The following NLGN1 variants were observed in gnomAD, a reference collection of about 807,000 sequenced individuals.
NLGN1 encodes the protein neuroligin-1.
A neutral mutation model predicts 65.5 loss-of-function variants in NLGN1; 12 were observed. The ratio of observed to expected loss-of-function variants is 0.18; its 90% CI spans 0.12 to 0.30. The LOEUF (loss-of-function observed/expected upper bound fraction) is 0.30, where lower values mean the gene tolerates loss of function less well. Among genes scored for constraint, NLGN1 ranks in the 10% least tolerant of loss-of-function variants. NLGN1 has a pLI of 1.00. For synonymous variants in NLGN1, 350 were observed against 359.5 expected, an observed-to-expected ratio of 0.97 and a Z score of 0.30; for missense variants, 750 against 1,007.1, an observed-to-expected ratio of 0.74 and a Z score of 3.46.
At chr3:173,708,039 A>G (rs1337848073) in intron 3 of NLGN1, among the ~76,000 whole-genome samples, 1 of 152,218 alleles carries the variant, frequency 6.6e-6, no homozygotes, top group East Asian at 1.9e-4. Flanking sequence ...AGCTCCTTAC[A>G]GTCAGATTGA....
At chr3:173,852,139 G>A (rs1727052907) in intron 4 of NLGN1, among the ~76,000 whole-genome samples, 1 of 151,300 alleles carries the variant, frequency 6.6e-6, no homozygotes, top group Admixed American at 6.6e-5. Context: ...GGCGGATCAC[G>A]AGGTCAGGAG....
Position 173,657,919 on chromosome 3 carries a change from T to G in NLGN1, c.493+52828T>G, listed in dbSNP as rs533310965. The stretch of plus-strand genomic sequence containing the variant: ...ATAAAATCTGATGAATGTGACAAGT[T>G]TATGCCTGATTGTACTGGTAGAGTA... On this transcript the variant is annotated intron_variant, in intron 3 of 6. Transcript: ENST00000457714. 6.8e-4 allele frequency among the ~76,000 whole-genome samples: 104 copies of G among 152,044 alleles called. 2 individuals are homozygous for G. The South Asian group carries it at 0.02, about 30-fold the overall frequency.
intron 4 of NLGN1, among the ~76,000 whole-genome samples, chr3:173,817,301 A>G (rs939529239): frequency 6.6e-6 from 1 of 152,224 alleles, no homozygotes; most frequent in African/African-American, 2.4e-5. Flanking sequence ...ACAATCAGAA[A>G]CAGTTATAAG....
chr3:173,835,573 A>G (rs62292075), intron 4 of NLGN1, among the ~76,000 whole-genome samples: 6 of 133,460 alleles, frequency 4.5e-5, no homozygotes, highest in African/African-American at 1.9e-4. Context: ...TAATATGTTC[A>G]AACACATACA....
At chr3:174,086,579 A>G (rs1198307635) in intron 4 of NLGN1, among the ~76,000 whole-genome samples, 1 of 151,650 alleles carries the variant, frequency 6.6e-6, no homozygotes, top group African/African-American at 2.4e-5. Flanking sequence ...ATAAGCCACT[A>G]TATAAAACAT....
chr3:173,602,488 C>G (rs1750705680), intron 2 of NLGN1, among the ~76,000 whole-genome samples: 1 of 151,938 alleles, frequency 6.6e-6, no homozygotes, highest in Non-Finnish European at 1.5e-5. Context: ...TGCAGAATTC[C>G]AATCCTGTGC....
intron 2 of NLGN1, among the ~76,000 whole-genome samples, chr3:173,459,795 G>A (rs1028791448): frequency 2.6e-5 from 4 of 151,986 alleles, no homozygotes; most frequent in Non-Finnish European, 5.9e-5. Context: ...CAAGTCCTCA[G>A]TAATTTGCAG....
At chr3:173,442,162 G>A (rs554981081) in intron 2 of NLGN1, among the ~76,000 whole-genome samples, 7 of 152,140 alleles carry the variant, frequency 4.6e-5, no homozygotes, top group South Asian at 4.1e-4. Flanking sequence ...AATCTGTTAC[G>A]CAGTTTTCAA....
intron 2 of NLGN1, among the ~76,000 whole-genome samples, chr3:173,442,853 T>C (rs995936724): frequency 6.6e-6 from 1 of 152,170 alleles, no homozygotes; most frequent in Non-Finnish European, 1.5e-5. Context: ...TGATTAATTA[T>C]AGTATGACTT....
chr3:173,798,066 GC>G (rs1442347623), intron 3 of NLGN1, among the ~76,000 whole-genome samples: 4 of 152,068 alleles, frequency 2.6e-5, no homozygotes, highest in Admixed American at 2.6e-4. Context: ...CTCTTATAGA[GC>G]CCCGAACAAA....
rs807157 is a variant in NLGN1 at position 173,489,989 on chromosome 3, G to T, written c.-321+54911G>T. ...GTTTGTAGATTGTGGATATTAGCCC[G>T]TTGTCAGATGAGTAGGTTGCAAACA... On this transcript the variant is annotated intron_variant, in intron 2 of 6. Transcript: ENST00000457714. 2.6e-3 allele frequency among the ~76,000 whole-genome samples: 402 copies of T among 152,136 alleles called. 1 individual carries two copies. Among genetic ancestry groups the T allele is most frequent in the Non-Finnish European group, 4.5e-3 (305 of 68,000 alleles).
At chr3:173,448,636 G>T (rs1384603144) in intron 2 of NLGN1, among the ~76,000 whole-genome samples, 1 of 152,178 alleles carries the variant, frequency 6.6e-6, no homozygotes, top group Non-Finnish European at 1.5e-5. Flanking sequence ...CAGAAGGAAT[G>T]GTACCAGCTC....
intron 3 of NLGN1, among the ~76,000 whole-genome samples, chr3:173,701,107 T>A (rs866439525): frequency 6.6e-6 from 1 of 152,058 alleles, no homozygotes; most frequent in Non-Finnish European, 1.5e-5. Context: ...CCAGCCTGGG[T>A]GACACAGCGA....
chr3:174,164,346 T>A (rs1727126544), intron 4 of NLGN1, among the ~76,000 whole-genome samples: 1 of 152,036 alleles, frequency 6.6e-6, no homozygotes, highest in African/African-American at 2.4e-5. Flanking sequence ...GTCAGATGCA[T>A]AGTTTACAAA....
intron 2 of NLGN1, among the ~76,000 whole-genome samples, chr3:173,458,349 G>A (rs758070584): frequency 3.9e-5 from 6 of 152,052 alleles, no homozygotes; most frequent in Non-Finnish European, 8.8e-5. Context: ...GGGATCACTG[G>A]TGTCCTGTGG....
intron 3 of NLGN1, among the ~76,000 whole-genome samples, chr3:173,707,889 G>T (rs1045358672): frequency 2.0e-5 from 3 of 152,100 alleles, no homozygotes. Context: ...AGGCAATTTT[G>T]CTACCTATCC....
At chr3:173,728,816 A>C (rs1772290749) in intron 3 of NLGN1, among the ~76,000 whole-genome samples, 1 of 152,100 alleles carries the variant, frequency 6.6e-6, no homozygotes, top group Non-Finnish European at 1.5e-5. Flanking sequence ...TTTTCCCTAG[A>C]GTCTTCAGAG....
intron 4 of NLGN1, among the ~76,000 whole-genome samples, chr3:174,259,670 C>A (rs1394781720): frequency 7.5e-6 from 1 of 133,232 alleles, no homozygotes; most frequent in Non-Finnish European, 1.6e-5. Context: ...ATGTTTCTTA[C>A]CCTTAGTAGA....
At chr3:173,943,098 T>C (rs1746450717) in intron 4 of NLGN1, among the ~76,000 whole-genome samples, 1 of 151,938 alleles carries the variant, frequency 6.6e-6, no homozygotes, top group South Asian at 2.1e-4. Flanking sequence ...TGGTGGCACA[T>C]GCTTGTGATC....
Sources: allele counts gnomAD v4.1 joint callset (sites outside exome capture counted in the v4.1 genomes callset), GRCh38; gene constraint gnomAD v4.1.1; transcripts MANE v1.5; gene names NCBI Gene and HGNC (gene_info 2026-07-23, HGNC 2026-07-21).